FHIT: variants seen among roughly 807,000 people sequenced by gnomAD.
The protein encoded by FHIT is bis(5'-adenosyl)-triphosphatase.
FHIT carries 19 observed loss-of-function variants against 17.9 expected under a neutral mutation model. The observed-to-expected ratio is 1.06, with a 90% CI of 0.74 to 1.56. The LOEUF (loss-of-function observed/expected upper bound fraction) is 1.56, where lower values mean the gene tolerates loss of function less well. Among genes scored for constraint, FHIT ranks in the 40% most tolerant of loss-of-function variants. The pLI, the probability that FHIT is intolerant of heterozygous loss-of-function variation, is 0.00. For synonymous variants in FHIT, 81 were observed against 69.7 expected (o/e 1.16, Z -0.81); for missense variants, 248 against 189.2 (o/e 1.31, Z -1.82).
chr3:59,928,763 A>C (rs1054310193), intron 7 of FHIT, among the ~76,000 whole-genome samples: 2 of 152,106 alleles, frequency 1.3e-5, no homozygotes, highest in Non-Finnish European at 2.9e-5. Flanking sequence ...TTGGGAGGCC[A>C]AGGCGGGTGG....
At chr3:60,840,587 G>C (rs1485781025) in intron 3 of FHIT, among the ~76,000 whole-genome samples, 1 of 152,174 alleles carries the variant, frequency 6.6e-6, no homozygotes, top group South Asian at 2.1e-4. Flanking sequence ...GAATCTGCTT[G>C]TCTGAAATAG....
chr3:60,005,529 G>A (rs1249376754), intron 7 of FHIT, among the ~76,000 whole-genome samples: 3 of 152,080 alleles, frequency 2.0e-5, no homozygotes, highest in Non-Finnish European at 4.4e-5. Context: ...TCTCTAAGGC[G>A]TCCACTCCCA....
At chr3:60,821,669 C>T (rs1246380119) in intron 4 of FHIT, among the ~76,000 whole-genome samples, 1 of 152,114 alleles carries the variant, frequency 6.6e-6, no homozygotes. Context: ...GGAATGCTTT[C>T]TTCAGAAAGT....
intron 5 of FHIT, among the ~76,000 whole-genome samples, chr3:60,479,116 C>T (rs1334720252): frequency 6.6e-6 from 1 of 152,160 alleles, no homozygotes; most frequent in African/African-American, 2.4e-5. Context: ...ACTGCTTGCC[C>T]ATGGTTCAGA....
intron 2 of FHIT, among the ~76,000 whole-genome samples, chr3:61,141,759 A>G (rs2037087700): frequency 6.6e-6 from 1 of 151,634 alleles, no homozygotes; most frequent in Non-Finnish European, 1.5e-5. Context: ...TGGCTGACCC[A>G]GAGGAGGCTC....
chr3:60,503,403 G>A, intron 5 of FHIT, among the ~76,000 whole-genome samples: 1 of 152,090 alleles, frequency 6.6e-6, no homozygotes, highest in East Asian at 1.9e-4. Context: ...TAATTTATGT[G>A]TATGTACCTT....
At chr3:60,825,833 T>C (rs1368650298) in intron 3 of FHIT, among the ~76,000 whole-genome samples, 1 of 152,192 alleles carries the variant, frequency 6.6e-6, no homozygotes. Flanking sequence ...CATATATGTA[T>C]GTAAAAGTAT....
At chr3:61,074,107 C>A (rs1263339594) in intron 2 of FHIT, among the ~76,000 whole-genome samples, 1 of 151,684 alleles carries the variant, frequency 6.6e-6, no homozygotes, top group Non-Finnish European at 1.5e-5. Flanking sequence ...TTTTTTAAAG[C>A]ATAAGCAGCA....
chr3:60,091,985 G>A (rs570402387), intron 5 of FHIT, among the ~76,000 whole-genome samples: 2 of 152,128 alleles, frequency 1.3e-5, no homozygotes, highest in East Asian at 1.9e-4. Flanking sequence ...CCTCCAACCT[G>A]CTAATTAAGT....
At chr3:60,290,482 A>T (rs531961182) in intron 5 of FHIT, among the ~76,000 whole-genome samples, 1 of 152,032 alleles carries the variant, frequency 6.6e-6, no homozygotes, top group Non-Finnish European at 1.5e-5. Context: ...AACTGAGACC[A>T]ACAGTCAACA....
chr3:61,170,736 G>T (rs1036068921), intron 2 of FHIT, among the ~76,000 whole-genome samples: 3 of 152,154 alleles, frequency 2.0e-5, no homozygotes, highest in African/African-American at 7.2e-5. Context: ...GTATTTAATG[G>T]TGTATATGTA....
At chr3:59,966,166 A>C (rs887776147) in intron 7 of FHIT, among the ~76,000 whole-genome samples, 1 of 152,208 alleles carries the variant, frequency 6.6e-6, no homozygotes, top group African/African-American at 2.4e-5. Flanking sequence ...AGAGGTATTC[A>C]AACAAATAAG....
chr3:60,380,862 G>A (rs543597561), intron 5 of FHIT, among the ~76,000 whole-genome samples: 1 of 152,252 alleles, frequency 6.6e-6, no homozygotes, highest in South Asian at 2.1e-4. Context: ...GTCTCAACAT[G>A]ACTAGAGGCT....
chr3:60,611,344 A>G lies in FHIT; in HGVS notation c.-17-74365T>C, dbSNP rs563736834. On this transcript the variant is annotated intron_variant, in intron 4 of 9. Coordinates refer to ENST00000492590, the MANE Select transcript of FHIT (RefSeq NM_002012.4). ...TGGTAAAGCTAACATCGAGCCAAGT[A>G]TCACAGAAATATATGGCAGGACATT... Among the ~76,000 whole-genome samples, 9 of 152,334 alleles carry G rather than the reference A, an allele frequency of 5.9e-5. No individual in the cohort carries two copies. The South Asian group carries it at 1.9e-3, about 32-fold the overall frequency.
intron 7 of FHIT, among the ~76,000 whole-genome samples, chr3:59,978,737 C>G (rs1708521787): frequency 6.6e-6 from 1 of 150,428 alleles, no homozygotes; most frequent in East Asian, 2.0e-4. Context: ...CAAAGTGTCC[C>G]TCCTGCCCAG....
intron 5 of FHIT, among the ~76,000 whole-genome samples, chr3:60,377,204 CTTT>C (rs34034610): frequency 1.2e-4 from 17 of 140,518 alleles, no homozygotes; most frequent in Admixed American, 2.9e-4. Context: ...AGCCATTAAG[CTTT>C]TTTTTTTTTT....
Position 59,821,583 on chromosome 3 carries a change from G to A in FHIT, c.349-69262C>T, listed in dbSNP as rs183807413. 2.6e-5 allele frequency among the ~76,000 whole-genome samples: 4 copies of A among 152,214 alleles called. No individual in the cohort carries two copies. The East Asian group carries it at 7.7e-4, about 29-fold the overall frequency. The stretch of plus-strand genomic sequence containing the variant: ...GAGTTCTCCCTCAGTTGCTCCAACA[G>A]TGCCTGGTAGTGTAAACAAGACTGG... On this transcript the variant is annotated intron_variant, in intron 8 of 9. Transcript: ENST00000492590.
intron 4 of FHIT, among the ~76,000 whole-genome samples, chr3:60,599,684 T>TAAA (rs5849379): frequency 0.63 from 90,468 of 143,660 alleles, 29,939 homozygotes; most frequent in South Asian, 0.82. Context: ...AAGGACAAGT[T>TAAA]AAAAAAAAAA....
chr3:60,768,597 T>G (rs1323103017), intron 4 of FHIT, among the ~76,000 whole-genome samples: 9 of 152,204 alleles, frequency 5.9e-5, no homozygotes, highest in African/African-American at 1.9e-4. Flanking sequence ...GGAGAGTTAG[T>G]TTTTTGATTC....
Sources: allele counts gnomAD v4.1 joint callset (sites outside exome capture counted in the v4.1 genomes callset), GRCh38; gene constraint gnomAD v4.1.1; transcripts MANE v1.5; gene names NCBI Gene and HGNC (gene_info 2026-07-23, HGNC 2026-07-21).